Variants in LZTS1 observed in about 807,000 individuals in gnomAD.
LZTS1 encodes leucine zipper tumor suppressor 1, also known as leucine zipper putative tumor suppressor 1.
LZTS1 carries 31 observed loss-of-function variants against 45.8 expected under a neutral mutation model. The ratio of observed to expected loss-of-function variants is 0.68; its 90% confidence interval spans 0.51 to 0.91. LZTS1 has a LOEUF of 0.91. Ranked by LOEUF, LZTS1 falls within the 40% of genes least tolerant of loss-of-function variation. The pLI, the probability that LZTS1 is intolerant of heterozygous loss-of-function variation, is 0.00. For missense variants in LZTS1, 821 were observed against 788.9 expected (o/e 1.04, Z -0.49); for synonymous variants, 359 against 357.3 (o/e 1.00, Z -0.05).
intron 1 of LZTS1, among the ~76,000 whole-genome samples, chr8:20,262,251 T>TG (rs758175593): frequency 5.9e-5 from 9 of 152,264 alleles, no homozygotes; most frequent in Non-Finnish European, 1.0e-4. Flanking sequence ...GGCTGCACTG[T>TG]GGGGGAACAT....
At chr8:20,258,618 A>G (rs1308938504) in intron 1 of LZTS1, among the ~76,000 whole-genome samples, 1 of 152,236 alleles carries the variant, frequency 6.6e-6, no homozygotes, top group Non-Finnish European at 1.5e-5. Context: ...ACTCGAGGAA[A>G]TACAGTGAAG....
chr8:20,258,452 C>T (rs57127754), intron 1 of LZTS1, among the ~76,000 whole-genome samples: 2,076 of 152,148 alleles, frequency 0.014, 48 homozygotes, highest in African/African-American at 0.046. Context: ...ATCTAGGCTT[C>T]GATTCAAACT....
intron 1 of LZTS1, among the ~76,000 whole-genome samples, chr8:20,298,839 G>A (rs1801020967): frequency 6.6e-6 from 1 of 152,162 alleles, no homozygotes; most frequent in Non-Finnish European, 1.5e-5. Flanking sequence ...TCACATCACT[G>A]CACTCCATCC....
intron 1 of LZTS1, among the ~76,000 whole-genome samples, chr8:20,300,491 C>T (rs1224210377): frequency 1.3e-5 from 2 of 152,060 alleles, no homozygotes; most frequent in South Asian, 2.1e-4. Flanking sequence ...CGCCACGACG[C>T]CCGGCTAATT....
chr8:20,254,752 C>T (rs988387992), intron 2 of LZTS1, 85 bp downstream of exon 2: 2 of 1,162,316 alleles, frequency 1.7e-6, no homozygotes, highest in Admixed American at 5.2e-5. Flanking sequence ...GTCACCACTC[C>T]CCCTGAACCC....
chr8:20,296,139 G>C (rs1014209559), intron 1 of LZTS1, among the ~76,000 whole-genome samples: 1 of 152,192 alleles, frequency 6.6e-6, no homozygotes, highest in African/African-American at 2.4e-5. Context: ...TGATTTAGCA[G>C]CAAATGGCTC....
At chr8:20,263,656 C>G (rs1470799891) in intron 1 of LZTS1, among the ~76,000 whole-genome samples, 2 of 152,138 alleles carry the variant, frequency 1.3e-5, no homozygotes, top group Non-Finnish European at 2.9e-5. Flanking sequence ...AGCCCCATCC[C>G]TCCACACAGA....
intron 1 of LZTS1, among the ~76,000 whole-genome samples, chr8:20,259,598 G>A (rs145861918): frequency 1.5e-3 from 232 of 152,196 alleles, no homozygotes; most frequent in African/African-American, 5.3e-3. Flanking sequence ...ACCTTGTCCC[G>A]CCATGTCCCA....
intron 1 of LZTS1, among the ~76,000 whole-genome samples, chr8:20,298,570 C>T (rs559032764): frequency 6.6e-6 from 1 of 152,166 alleles, no homozygotes; most frequent in Non-Finnish European, 1.5e-5. Flanking sequence ...CAGCAGGAAG[C>T]AACAGTGTGA....
At chr8:20,302,638 G>C (rs1801100842) in intron 1 of LZTS1, among the ~76,000 whole-genome samples, 1 of 152,302 alleles carries the variant, frequency 6.6e-6, no homozygotes, top group Admixed American at 6.5e-5. Context: ...AGCAGCGCCT[G>C]CCCGGCATGG....
At chr8:20,255,345 G>A (rs773358191) in intron 1 of LZTS1, 30 bp from the exon 2 acceptor site, 31 of 1,402,094 alleles carry the variant, frequency 2.2e-5, no homozygotes, top group Admixed American at 2.9e-5. Context: ...AGAAGTCAGC[G>A]TGGGTGGGAG....
In LZTS1 at chr8:20,285,284, T is replaced by C. The variant is rs189042081; in HGVS notation, c.-135+18456A>G. ...CCCTGATGCCTTCCTTCACTGGCCA[T>C]ATCCTTTAGGACTGAGCCTGCCACC... On this transcript the variant is annotated intron_variant, in intron 1 of 3. Transcript: ENST00000381569. Among the ~76,000 whole-genome samples the C allele has an allele frequency of 1.7e-4, 26 of 152,330 alleles. No individual in the cohort carries two copies. The East Asian group carries it at 5.0e-3, about 29-fold the overall frequency.
intron 1 of LZTS1, among the ~76,000 whole-genome samples, chr8:20,270,799 CTGTG>C (rs1281545019): frequency 1.7e-4 from 21 of 123,074 alleles, no homozygotes; most frequent in African/African-American, 4.2e-4. Context: ...AGTGTGTCCT[CTGTG>C]TGTGTGTGTG....
chr8:20,255,026 G>A lies in LZTS1; in HGVS notation c.156C>T (p.His52=), dbSNP rs745621744. The change falls in exon 2 of 4, where the codon CAC becomes CAT. Residue 52 remains histidine, a synonymous_variant. Coordinates refer to ENST00000381569, the MANE Select transcript of LZTS1 (RefSeq NM_021020.5). ...LRFGFSQDSG[H]GKSSSKMGKS... ...TGCCCATTTTGGAGCTGGACTTGCC[G>A]TGACCGGAGTCCTGGGAGAAGCCAA... 23 of 1,614,070 alleles carry A rather than the reference G, an allele frequency of 1.4e-5. No homozygotes were observed. The East Asian group carries it at 2.5e-4, about 17-fold the overall frequency.
intron 1 of LZTS1, among the ~76,000 whole-genome samples, chr8:20,297,207 C>G (rs755908135): frequency 6.6e-6 from 1 of 152,154 alleles, no homozygotes; most frequent in African/African-American, 2.4e-5. Context: ...ATATATTATG[C>G]AATTAAGGTT....
At chr8:20,255,447 C>G (rs922864024) in intron 1 of LZTS1, 132 bp from the exon 2 acceptor site, 9 of 525,830 alleles carry the variant, frequency 1.7e-5, no homozygotes, top group Non-Finnish European at 2.8e-5. Context: ...ACCGGGTGCT[C>G]CGTTCCTTCT....
chr8:20,251,141 A>G lies in LZTS1; in HGVS notation c.1150-778T>C, dbSNP rs1291538311. 1.0e-4 allele frequency among the ~76,000 whole-genome samples: 10 copies of G among 97,996 alleles called. 1 individual carries two copies. Among genetic ancestry groups the G allele is most frequent in the Non-Finnish European group, 1.2e-4 (6 of 48,214 alleles). 64.3% of individuals were successfully genotyped at this position (97,996 alleles called of 152,430 possible). ...TATATATATATATATATATATATAT[A>G]TATATATAAAATATAAAGTATAAGA... is the stretch of plus-strand genomic sequence containing the variant. On this transcript the variant is annotated intron_variant, in intron 3 of 3. Transcript: ENST00000381569.
intron 1 of LZTS1, among the ~76,000 whole-genome samples, chr8:20,276,810 G>T (rs1463957010): frequency 6.6e-6 from 1 of 152,202 alleles, no homozygotes; most frequent in African/African-American, 2.4e-5. Flanking sequence ...TTGTTTTCTT[G>T]TTGGTTGGGA....
chr8:20,270,797 C>CTGTGTGTGTG (rs745917836), intron 1 of LZTS1, among the ~76,000 whole-genome samples: 109 of 99,410 alleles, frequency 1.1e-3, no homozygotes, highest in South Asian at 2.3e-3. Flanking sequence ...CGAGTGTGTC[C>CTGTGTGTGTG]TCTGTGTGTG....
Sources: allele counts gnomAD v4.1 joint callset (sites outside exome capture counted in the v4.1 genomes callset), GRCh38; gene constraint gnomAD v4.1.1; transcripts MANE v1.5; gene names NCBI Gene and HGNC (gene_info 2026-07-23, HGNC 2026-07-21).